The following ARK2N variants were observed in gnomAD, a reference collection of about 807,000 sequenced individuals.
ARK2N encodes the protein protein ARK2N.
At chr18:46,186,200 ATTT>A in the ARK2N span, among the ~76,000 whole-genome samples, 1 of 145,748 alleles carries the variant, frequency 6.9e-6, no homozygotes. Flanking sequence ...ATTATCATGA[ATTT>A]TTTTTTTTTT....
At chr18:46,182,679 A>G in the ARK2N span, among the ~76,000 whole-genome samples, 1 of 137,838 alleles carries the variant, frequency 7.3e-6, no homozygotes. Context: ...CATTAGCCAC[A>G]GTGCTTTTTT....
At chr18:46,249,572 C>T in the ARK2N span, among the ~76,000 whole-genome samples, 2 of 152,210 alleles carry the variant, frequency 1.3e-5, no homozygotes, top group African/African-American at 2.4e-5. Flanking sequence ...CTTTTCTGCA[C>T]CTGCCCACAC....
the ARK2N span, among the ~76,000 whole-genome samples, chr18:46,208,763 G>A: frequency 6.6e-6 from 1 of 152,020 alleles, no homozygotes; most frequent in Non-Finnish European, 1.5e-5. Context: ...CACCATGCCC[G>A]GCTCTGTTCT....
the ARK2N span, among the ~76,000 whole-genome samples, chr18:46,189,553 A>G: frequency 6.6e-6 from 1 of 152,166 alleles, no homozygotes; most frequent in African/African-American, 2.4e-5. Flanking sequence ...AGCCTCCTGA[A>G]TAGTTGGTAC....
At chr18:46,207,015 A>G in the ARK2N span, among the ~76,000 whole-genome samples, 47 of 152,252 alleles carry the variant, frequency 3.1e-4, 1 homozygote, top group East Asian at 7.1e-3. Flanking sequence ...GATTCAAGCA[A>G]TCCTCCCACT....
chr18:46,182,249 C>T, the ARK2N span, among the ~76,000 whole-genome samples: 1 of 152,200 alleles, frequency 6.6e-6, no homozygotes, highest in African/African-American at 2.4e-5. Context: ...AGTTTAGTGT[C>T]AAGGGTTTCT....
the ARK2N span, among the ~76,000 whole-genome samples, chr18:46,231,493 C>T: frequency 6.7e-6 from 1 of 149,972 alleles, no homozygotes; most frequent in African/African-American, 2.5e-5. Flanking sequence ...TAAAAGTTGC[C>T]TACATATAAA....
chr18:46,193,807 C>T, the ARK2N span, among the ~76,000 whole-genome samples: 2 of 151,908 alleles, frequency 1.3e-5, no homozygotes, highest in Middle Eastern at 3.4e-3. Context: ...CCATGTTGGC[C>T]AGACTGGTCT....
the ARK2N span, among the ~76,000 whole-genome samples, chr18:46,203,922 G>A: frequency 6.6e-6 from 1 of 152,104 alleles, no homozygotes; most frequent in South Asian, 2.1e-4. Context: ...TTGATTTAAA[G>A]AGCAGAGAAC....
chr18:46,240,977 A>G, the ARK2N span, among the ~76,000 whole-genome samples: 1 of 152,266 alleles, frequency 6.6e-6, no homozygotes, highest in Non-Finnish European at 1.5e-5. Context: ...TATGCAGTGT[A>G]TAATTTCTTC....
At chr18:46,254,889 G>T in the ARK2N span, among the ~76,000 whole-genome samples, 1 of 149,830 alleles carries the variant, frequency 6.7e-6, no homozygotes, top group Non-Finnish European at 1.5e-5. Flanking sequence ...CTCCCCTGCC[G>T]CACATGCACA....
the ARK2N span, among the ~76,000 whole-genome samples, chr18:46,237,692 G>C: frequency 1.3e-5 from 2 of 152,164 alleles, no homozygotes; most frequent in African/African-American, 4.8e-5. Context: ...CTGGCCCCAA[G>C]TGCTTTAAAC....
the ARK2N span, among the ~76,000 whole-genome samples, chr18:46,177,679 G>A: frequency 5.3e-5 from 8 of 151,722 alleles, no homozygotes; most frequent in South Asian, 2.1e-4. Flanking sequence ...CACCTGCCTC[G>A]GCCTCCCAAA....
At chr18:46,244,988 G>C in the ARK2N span, among the ~76,000 whole-genome samples, 1 of 152,004 alleles carries the variant, frequency 6.6e-6, no homozygotes, top group African/African-American at 2.4e-5. Context: ...GGCTGGATGC[G>C]GTGGCAGTCT....
At chr18:46,251,049 C>T in the ARK2N span, among the ~76,000 whole-genome samples, 1 of 152,268 alleles carries the variant, frequency 6.6e-6, no homozygotes, top group African/African-American at 2.4e-5. Context: ...CTGCCTTGTT[C>T]CCCATAGTAT....
At chr18:46,228,915 A>G in the ARK2N span, 1 of 397,806 alleles carries the variant, frequency 2.5e-6, no homozygotes, top group East Asian at 3.6e-5. Context: ...AACATTTTGA[A>G]TATTTGAAAA....
the ARK2N span, among the ~76,000 whole-genome samples, chr18:46,220,836 G>A: frequency 6.6e-6 from 1 of 151,878 alleles, no homozygotes. Flanking sequence ...CTGCCATACT[G>A]CTTTTAAAAA....
At chr18:46,189,772 G>A in the ARK2N span, among the ~76,000 whole-genome samples, 1 of 152,188 alleles carries the variant, frequency 6.6e-6, no homozygotes, top group East Asian at 1.9e-4. Flanking sequence ...ACCAAGGTGG[G>A]CGGATCGCTT....
the ARK2N span, among the ~76,000 whole-genome samples, chr18:46,191,433 C>T: frequency 4.6e-4 from 70 of 151,868 alleles, no homozygotes; most frequent in Admixed American, 4.6e-3. Context: ...CCTCATGCCT[C>T]AACCTCCCAA....
Sources: allele counts gnomAD v4.1 joint callset (sites outside exome capture counted in the v4.1 genomes callset), GRCh38; gene constraint gnomAD v4.1.1; transcripts MANE v1.5; gene names NCBI Gene and HGNC (gene_info 2026-07-23, HGNC 2026-07-21).